Variants in P2RY2 observed in about 807,000 individuals in gnomAD.
P2RY2 encodes the protein P2Y purinoceptor 2.
For synonymous variants in P2RY2, 241 were observed against 231.9 expected (o/e 1.04, Z -0.35); for missense variants, 567 against 515.7 (o/e 1.10, Z -0.96).
rs1862759268 is a variant in P2RY2 at position 73,240,829 on chromosome 11, G to A, written c.*5536G>A. 1 of 152,302 alleles carries A rather than the reference G, an allele frequency of 6.6e-6. No individual in the cohort carries two copies. The highest frequency in any genetic ancestry group is 1.5e-5 in the Non-Finnish European group (1 of 68,094). The allele number at this position is 152,302 out of a possible 1,614,324, so 9.4% of individuals were successfully genotyped here. A position where few individuals can be genotyped will look rare whatever the true frequency, so the allele number is the denominator to read the frequency against. On this transcript the variant is annotated 3_prime_UTR_variant, in exon 3 of 3. Coordinates refer to ENST00000393597, the MANE Select transcript of P2RY2 (RefSeq NM_002564.4). ...GTGCAGCTCATGCTCTGACCTTGGA[G>A]TGAGCCCAGTGCAGGGGCCTGACCT...
At chr11:73,232,417 CT>C (rs57448190) in intron 2 of P2RY2, among the ~76,000 whole-genome samples, 18,671 of 150,810 alleles carry the variant, frequency 0.12, 2,959 homozygotes, top group African/African-American at 0.37. Context: ...AGTGTAGTAA[CT>C]TTTTTTTTTC....
chr11:73,234,687 G>T lies in P2RY2; in HGVS notation c.528G>T (p.Ala176=), dbSNP rs1565144336. The T allele has an allele frequency of 1.2e-6, 2 of 1,603,200 alleles. No individual in the cohort carries two copies. Among genetic ancestry groups the T allele is most frequent in the African/African-American group, 1.3e-5 (1 of 74,970 alleles). The change falls in exon 3 of 3, where the codon GCG becomes GCT. Residue 176 remains alanine, a synonymous_variant. Coordinates refer to ENST00000393597, the MANE Select transcript of P2RY2 (RefSeq NM_002564.4). The part of the protein sequence containing the change: ...APVLYFVTTS[A]RGGRVTCHDT... ...TGCTCTACTTTGTCACCACCAGCGC[G>T]CGCGGGGGCCGCGTAACCTGCCACG...
At chr11:73,219,304 A>G (rs1182087511) in intron 1 of P2RY2, among the ~76,000 whole-genome samples, 4 of 152,210 alleles carry the variant, frequency 2.6e-5, no homozygotes, top group African/African-American at 9.6e-5. Flanking sequence ...TGTGGGTGGA[A>G]GTGGAAGGAA....
In P2RY2 at chr11:73,235,849, A is replaced by AATATC; in HGVS notation, c.*560_*564dup. 1 of 1,000,840 alleles carries AATATC rather than the reference A, an allele frequency of 1.0e-6. No individual in the cohort carries two copies. Among genetic ancestry groups the AATATC allele is most frequent in the Non-Finnish European group, 1.2e-6 (1 of 830,480 alleles). 62.0% of individuals were successfully genotyped at this position (1,000,840 alleles called of 1,614,324 possible). On this transcript the variant is annotated 3_prime_UTR_variant, in exon 3 of 3. Transcript: ENST00000393597. ...CCCAAGAGATGAACATCTGGGGACT[A>AATATC]ATATCATAGACCCATCTGGAGGCTC...
At chr11:73,226,092 G>A (rs765693437) in intron 1 of P2RY2, among the ~76,000 whole-genome samples, 52 of 152,296 alleles carry the variant, frequency 3.4e-4, no homozygotes, top group Admixed American at 1.6e-3. Context: ...CACAGGCCTC[G>A]GGCTGCAGTG....
chr11:73,228,120 G>A lies in P2RY2; in HGVS notation c.-60G>A, dbSNP rs1481858368. 2 of 151,236 alleles carry A rather than the reference G, an allele frequency of 1.3e-5. No homozygotes were observed. The highest frequency in any genetic ancestry group is 4.9e-5 in the African/African-American group (2 of 41,042). 9.4% of individuals were successfully genotyped at this position (151,236 alleles called of 1,614,324 possible). On this transcript the variant is annotated 5_prime_UTR_variant, in exon 2 of 3. The change creates a new upstream start codon in the 5' untranslated region. Coordinates refer to ENST00000393597, the MANE Select transcript of P2RY2 (RefSeq NM_002564.4). ...CAGGTCCAGGCGTGTGCATTCATGAGTGAGGAACCCGTGCAGGCGCTGAGC... is the reference window on the plus strand; with the variant it reads ...CAGGTCCAGGCGTGTGCATTCATGAATGAGGAACCCGTGCAGGCGCTGAGC...
In P2RY2 at chr11:73,237,946, C is replaced by T. The variant is rs548607707; in HGVS notation, c.*2653C>T. Reference sequence around the variant, plus strand: ...TATTACCCTCCAATATTCCCTGCCCCCTTCACACCTCCCTAACCTGACATC... The same window carrying T: ...TATTACCCTCCAATATTCCCTGCCCTCTTCACACCTCCCTAACCTGACATC... On this transcript the variant is annotated 3_prime_UTR_variant, in exon 3 of 3. Coordinates refer to ENST00000393597, the MANE Select transcript of P2RY2 (RefSeq NM_002564.4). Among the ~76,000 whole-genome samples the T allele has an allele frequency of 6.6e-6, 1 of 152,226 alleles. No individual in the cohort carries two copies. The highest frequency in any genetic ancestry group is 1.5e-5 in the Non-Finnish European group (1 of 68,036).
rs561041351 is a variant in P2RY2 at position 73,227,111 on chromosome 11, A to T, written c.-199-870A>T. Among the ~76,000 whole-genome samples the T allele has an allele frequency of 2.2e-4, 33 of 152,076 alleles. 1 individual carries two copies. Among genetic ancestry groups the T allele is most frequent in the African/African-American group, 7.5e-4 (31 of 41,472 alleles). On this transcript the variant is annotated intron_variant, in intron 1 of 2. Transcript: ENST00000393597. ...CAACCCCAACAGGCCCTGGTGTATG[A>T]TGTTCCCCTCCCTGTGTCCATGTGT... is the stretch of plus-strand genomic sequence containing the variant.
At chr11:73,222,389 T>A (rs545957497) in intron 1 of P2RY2, among the ~76,000 whole-genome samples, 5 of 151,942 alleles carry the variant, frequency 3.3e-5, no homozygotes, top group Non-Finnish European at 5.9e-5. Flanking sequence ...TTGGTCTCCC[T>A]CCCTCCAGAC....
intron 2 of P2RY2, among the ~76,000 whole-genome samples, chr11:73,228,821 A>G (rs1425702672): frequency 6.6e-6 from 1 of 152,176 alleles, no homozygotes; most frequent in Non-Finnish European, 1.5e-5. Flanking sequence ...AAGTAACTTG[A>G]TCAAGGTTAC....
In P2RY2 at chr11:73,234,618, G is replaced by A. The variant is rs2135646766; in HGVS notation, c.459G>A (p.Val153=). 1 of 1,567,380 alleles carries A rather than the reference G, an allele frequency of 6.4e-7. No individual in the cohort carries two copies. Residue 153 remains valine, a synonymous_variant, in exon 3 of 3, where the codon GTG becomes GTA. Coordinates refer to ENST00000393597, the MANE Select transcript of P2RY2 (RefSeq NM_002564.4). ...RWGRARYARR[V]AGAVWVLVLA... Reference sequence around the variant, plus strand: ...GCCGGGCCCGCTACGCTCGCCGGGTGGCCGGGGCCGTGTGGGTGTTGGTGC... The same window carrying A: ...GCCGGGCCCGCTACGCTCGCCGGGTAGCCGGGGCCGTGTGGGTGTTGGTGC...
At chr11:73,220,075 C>G in intron 1 of P2RY2, among the ~76,000 whole-genome samples, 1 of 152,206 alleles carries the variant, frequency 6.6e-6, no homozygotes, top group East Asian at 1.9e-4. Flanking sequence ...CTGAGCTGAA[C>G]TGAGAGAGCA....
chr11:73,228,707 C>A (rs921377855), intron 2 of P2RY2, among the ~76,000 whole-genome samples: 5 of 152,188 alleles, frequency 3.3e-5, no homozygotes, highest in Non-Finnish European at 5.9e-5. Flanking sequence ...TGGACCAGAA[C>A]CCCTAGAGGG....
chr11:73,228,181 TGG>T lies in P2RY2; in HGVS notation c.-5+9_-5+10del, dbSNP rs1554981719. The T allele has an allele frequency of 5.4e-3, 547 of 101,124 alleles. 12 individuals are homozygous for T. Among genetic ancestry groups the T allele is most frequent in the African/African-American group, 0.039 (514 of 13,168 alleles). The allele number at this position is 101,124 out of a possible 1,614,324, so 6.3% of individuals were successfully genotyped here. A position where few individuals can be genotyped will look rare whatever the true frequency, so the allele number is the denominator to read the frequency against. ...GGAGAGCAGGGGCTGGTCAGGTACG[TGG>T]GGTGGGGGTGGGGGGGAGCGGGTAC... On this transcript the variant is annotated splice_region_variant and intron_variant, in intron 2 of 2. Transcript: ENST00000393597.
At position 73,237,657 on chromosome 11, in the gene P2RY2, T is replaced by C. The variant is rs993561704; in HGVS notation, c.*2364T>C. On this transcript the variant is annotated 3_prime_UTR_variant, in exon 3 of 3. Transcript: ENST00000393597. The stretch of plus-strand genomic sequence containing the variant: ...GAGGGGCTCGTTCACCATCTAATCC[T>C]GTGGCAGGCACAGGTGGGGGTGGAT... Among the ~76,000 whole-genome samples the C allele has an allele frequency of 1.3e-5, 2 of 152,156 alleles. No individual in the cohort carries two copies. Among genetic ancestry groups the C allele is most frequent in the Non-Finnish European group, 2.9e-5 (2 of 68,014 alleles).
chr11:73,234,171 C>A lies in P2RY2; in HGVS notation c.12C>A (p.Asp4Glu). The change falls in exon 3 of 3, where the codon GAC (aspartate) becomes GAA (glutamate). Residue 4 changes from aspartate (D) to glutamate (E), a missense_variant. Transcript: ENST00000393597. MAA[D>E]LGPWNDTING... is the part of the protein sequence containing the mutation. ...TTCCCTGCAGGGCGATGGCAGCAGA[C>A]CTGGGCCCCTGGAATGACACCATCA... The A allele has an allele frequency of 6.2e-7, 1 of 1,609,728 alleles. No individual in the cohort carries two copies. The highest frequency in any genetic ancestry group is 8.5e-7 in the Non-Finnish European group (1 of 1,177,624).
At position 73,236,747 on chromosome 11, in the gene P2RY2, T is replaced by C; in HGVS notation, c.*1454T>C. 1 of 985,398 alleles carries C rather than the reference T, an allele frequency of 1.0e-6. No individual in the cohort carries two copies. The highest frequency in any genetic ancestry group is 1.2e-6 in the Non-Finnish European group (1 of 829,906). The allele number at this position is 985,398 out of a possible 1,614,324, so 61.0% of individuals were successfully genotyped here. Reference sequence around the variant, plus strand: ...CTCCTCCTGTCCATCGTCTGCCTTCTGGGAAAATCCCAGAATGGCAGGGTG... The same window carrying C: ...CTCCTCCTGTCCATCGTCTGCCTTCCGGGAAAATCCCAGAATGGCAGGGTG... On this transcript the variant is annotated 3_prime_UTR_variant, in exon 3 of 3. Coordinates refer to ENST00000393597, the MANE Select transcript of P2RY2 (RefSeq NM_002564.4).
chr11:73,227,768 C>T (rs1862321224), intron 1 of P2RY2, among the ~76,000 whole-genome samples: 1 of 152,042 alleles, frequency 6.6e-6, no homozygotes, highest in South Asian at 2.1e-4. Context: ...TGAAAGGCGG[C>T]CTGGGGAAGG....
chr11:73,232,873 C>CG (rs1404452914), intron 2 of P2RY2, among the ~76,000 whole-genome samples: 1 of 152,110 alleles, frequency 6.6e-6, no homozygotes, highest in African/African-American at 2.4e-5. Context: ...ACGTTAGGCA[C>CG]GTCTTTGTCT....
Sources: allele counts gnomAD v4.1 joint callset (sites outside exome capture counted in the v4.1 genomes callset), GRCh38; gene constraint gnomAD v4.1.1; transcripts MANE v1.5; gene names NCBI Gene and HGNC (gene_info 2026-07-23, HGNC 2026-07-21).